Variants in SLC9C1 observed in about 807,000 individuals in gnomAD.
SLC9C1 encodes sodium/hydrogen exchanger 10.
SLC9C1 carries 97 observed loss-of-function variants against 140.9 expected under a neutral mutation model. The ratio of observed to expected loss-of-function variants is 0.69; its 90% CI spans 0.58 to 0.82. The LOEUF is 0.82. Among genes scored for constraint, SLC9C1 ranks in the 40% least tolerant of loss-of-function variants. The probability of loss-of-function intolerance (pLI) is 0.00; values close to 1 mark genes in which losing one functional copy is unlikely to be tolerated. For synonymous variants in SLC9C1, 440 were observed against 442.6 expected (o/e 0.99, Z 0.07); for missense variants, 1,340 against 1,389.3 (o/e 0.96, Z 0.56).
chr3:112,224,240 G>C (rs2078619199), intron 13 of SLC9C1, among the ~76,000 whole-genome samples: 2 of 152,148 alleles, frequency 1.3e-5, no homozygotes, highest in Non-Finnish European at 2.9e-5. Flanking sequence ...CTGTATTGAG[G>C]CTATGCTATT....
chr3:112,225,525 G>A (rs4401339), intron 13 of SLC9C1, among the ~76,000 whole-genome samples: 114,772 of 151,794 alleles, frequency 0.76, 43,767 homozygotes, highest in East Asian at 0.99. Flanking sequence ...ACAAACAAAA[G>A]GAAATACACA....
intron 15 of SLC9C1, among the ~76,000 whole-genome samples, chr3:112,215,695 A>G (rs963740731): frequency 3.3e-5 from 5 of 152,156 alleles, no homozygotes; most frequent in African/African-American, 9.7e-5. Context: ...ACTGCTCAAC[A>G]AAATAAATGA....
At chr3:112,258,314 G>A (rs1412547403) in intron 10 of SLC9C1, among the ~76,000 whole-genome samples, 1 of 152,160 alleles carries the variant, frequency 6.6e-6, no homozygotes, top group Non-Finnish European at 1.5e-5. Context: ...ATGGCAGATT[G>A]GATAAAGAAA....
In SLC9C1 at chr3:112,202,247, T is replaced by G. The variant is rs543558680; in HGVS notation, c.2322+3A>C. 2.0e-5 allele frequency: 32 copies of G among 1,608,436 alleles called. No homozygotes were observed. The South Asian group carries it at 3.5e-4, about 18-fold the overall frequency. On this transcript the variant is annotated splice_donor_region_variant and intron_variant, in intron 18 of 28. Coordinates refer to ENST00000305815, the MANE Select transcript of SLC9C1 (RefSeq NM_183061.3). Reference sequence around the variant, plus strand: ...CTTTTCTTAGGATTTAAGGTTTTCTTACCTGTTTAATCTGTTTAGAACTTG... The same window carrying G: ...CTTTTCTTAGGATTTAAGGTTTTCTGACCTGTTTAATCTGTTTAGAACTTG...
At chr3:112,206,817 G>A (rs1277827302) in intron 16 of SLC9C1, among the ~76,000 whole-genome samples, 3 of 149,372 alleles carry the variant, frequency 2.0e-5, no homozygotes, top group African/African-American at 7.4e-5. Context: ...CACAGGGCAA[G>A]GAACATCACA....
intron 27 of SLC9C1, among the ~76,000 whole-genome samples, 195 bp from the exon 28 acceptor site, chr3:112,152,158 G>A (rs2075002444): frequency 6.6e-6 from 1 of 152,168 alleles, no homozygotes; most frequent in Admixed American, 6.5e-5. Flanking sequence ...ACCCGCACCG[G>A]CACTGGTCTC....
chr3:112,200,678 A>G lies in SLC9C1; in HGVS notation c.2374+33T>C. 1.9e-6 allele frequency: 3 copies of G among 1,588,186 alleles called. No homozygotes were observed. In the South Asian group the frequency reaches 3.4e-5, roughly 18 times the overall value. The stretch of plus-strand genomic sequence containing the variant: ...CTTTCTGAAGTGGTGATGATAAGAG[A>G]TGGTCATGCTAAATAGGATGAGAGC... On this transcript the variant is annotated intron_variant, in intron 19 of 28. Coordinates refer to ENST00000305815, the MANE Select transcript of SLC9C1 (RefSeq NM_183061.3).
At chr3:112,254,990 G>A (rs1482637654) in intron 10 of SLC9C1, among the ~76,000 whole-genome samples, 1 of 151,872 alleles carries the variant, frequency 6.6e-6, no homozygotes. Context: ...CACAAAGAAG[G>A]GCATTACACA....
At position 112,269,976 on chromosome 3, in the gene SLC9C1, CA is replaced by C. The variant is rs2080026951; in HGVS notation, c.714del (p.Phe238LeufsTer8). On this transcript the variant is annotated frameshift_variant, in exon 7 of 29. Coordinates refer to ENST00000305815, the MANE Select transcript of SLC9C1 (RefSeq NM_183061.3). LOFTEE classifies it high-confidence loss of function. Reference protein sequence around the residue: ...KLIQFWMSTVFGDDVNHISLI... With the variant: ...KLIQFWMSTVXGDDVNHISLI... Reference sequence around the variant, plus strand: ...AGACTTATATGATTGACATCATCACCAAAAACAGTTGACATCCAAAATTGAA... The same window carrying C: ...AGACTTATATGATTGACATCATCACCAAAACAGTTGACATCCAAAATTGAA... 2 of 1,600,222 alleles carry C rather than the reference CA, an allele frequency of 1.2e-6. No homozygotes were observed. Among genetic ancestry groups the C allele is most frequent in the Non-Finnish European group, 1.7e-6 (2 of 1,174,192 alleles).
chr3:112,199,267 A>G, intron 20 of SLC9C1, 54 bp downstream of exon 20: 2 of 1,372,676 alleles, frequency 1.5e-6, no homozygotes, highest in South Asian at 3.5e-5. Flanking sequence ...CTTGAAGGTC[A>G]TGAATGATTA....
chr3:112,266,885 C>G (rs1440152352), intron 7 of SLC9C1, among the ~76,000 whole-genome samples: 1 of 152,100 alleles, frequency 6.6e-6, no homozygotes, highest in Non-Finnish European at 1.5e-5. Flanking sequence ...TACTGTAGAC[C>G]TATTAAAACA....
At chr3:112,167,649 G>T (rs1192421605) in intron 25 of SLC9C1, among the ~76,000 whole-genome samples, 1 of 151,802 alleles carries the variant, frequency 6.6e-6, no homozygotes, top group East Asian at 1.9e-4. Context: ...ATGGCAGAAA[G>T]AAAGTTTAAT....
chr3:112,272,455 T>G (rs889655698), intron 6 of SLC9C1, among the ~76,000 whole-genome samples: 3 of 151,828 alleles, frequency 2.0e-5, no homozygotes, highest in African/African-American at 7.2e-5. Context: ...CTTCACAGAT[T>G]AGTAACACTG....
At chr3:112,233,606 T>C (rs1290005039) in intron 12 of SLC9C1, among the ~76,000 whole-genome samples, 1 of 151,762 alleles carries the variant, frequency 6.6e-6, no homozygotes. Context: ...ACATTAGGTA[T>C]CTCTCGTAAT....
At chr3:112,239,443 G>A (rs974468458) in intron 12 of SLC9C1, among the ~76,000 whole-genome samples, 6 of 152,184 alleles carry the variant, frequency 3.9e-5, no homozygotes, top group South Asian at 2.1e-4. Flanking sequence ...CTCACACTGG[G>A]TGCACTGCAC....
intron 23 of SLC9C1, among the ~76,000 whole-genome samples, chr3:112,172,927 A>T (rs555689014): frequency 6.6e-6 from 1 of 152,202 alleles, no homozygotes; most frequent in South Asian, 2.1e-4. Context: ...CTTTTAATAT[A>T]TTCTTAGATT....
intron 10 of SLC9C1, among the ~76,000 whole-genome samples, chr3:112,251,909 A>C (rs1287969888): frequency 6.6e-6 from 1 of 152,102 alleles, no homozygotes; most frequent in African/African-American, 2.4e-5. Flanking sequence ...CCTTTCCTAG[A>C]GGTATGGACA....
At chr3:112,292,567 G>A (rs939327343) in intron 1 of SLC9C1, among the ~76,000 whole-genome samples, 61 of 152,056 alleles carry the variant, frequency 4.0e-4, no homozygotes, top group African/African-American at 1.4e-3. Flanking sequence ...TTTTTGAGAC[G>A]GAGTCATGAT....
chr3:112,164,329 T>C (rs935679652), intron 26 of SLC9C1, among the ~76,000 whole-genome samples: 2 of 147,174 alleles, frequency 1.4e-5, no homozygotes, highest in African/African-American at 5.2e-5. Flanking sequence ...TGTTAGCTGG[T>C]TATTTTGCTC....
Sources: allele counts gnomAD v4.1 joint callset (sites outside exome capture counted in the v4.1 genomes callset), GRCh38; gene constraint gnomAD v4.1.1; transcripts MANE v1.5; gene names NCBI Gene and HGNC (gene_info 2026-07-23, HGNC 2026-07-21).